The following GTF2IRD1 variants were observed in gnomAD, a reference collection of about 807,000 sequenced individuals.
GTF2IRD1 encodes GTF2I repeat domain containing 1.
In GTF2IRD1, 26 loss-of-function variants were observed where a neutral mutation model predicts 113.2. The observed-to-expected ratio is 0.23, with a 90% CI of 0.17 to 0.32. The LOEUF is 0.32. GTF2IRD1 is among the 10% of genes least tolerant of loss of function. The pLI, the probability that GTF2IRD1 is intolerant of heterozygous loss-of-function variation, is 1.00. For missense variants in GTF2IRD1, 864 were observed against 1,280.8 expected (o/e 0.67, Z 4.97); for synonymous variants, 484 against 529.1 (o/e 0.91, Z 1.17).
At chr7:74,535,993 C>CT (rs1798269303) in intron 10 of GTF2IRD1, among the ~76,000 whole-genome samples, 174 bp from the exon 11 acceptor site, 2 of 152,238 alleles carry the variant, frequency 1.3e-5, no homozygotes, top group African/African-American at 4.8e-5. Flanking sequence ...GTCAGAGTCT[C>CT]TCCCCAGGAC....
At chr7:74,594,124 A>G (rs1292219332) in intron 24 of GTF2IRD1, among the ~76,000 whole-genome samples, 2 of 151,704 alleles carry the variant, frequency 1.3e-5, no homozygotes, top group East Asian at 1.9e-4. Flanking sequence ...GCTTGAACCC[A>G]GGAGGTGGAG....
intron 1 of GTF2IRD1, among the ~76,000 whole-genome samples, chr7:74,467,447 G>C (rs1410624763): frequency 3.9e-5 from 6 of 152,194 alleles, no homozygotes; most frequent in Non-Finnish European, 7.3e-5. Flanking sequence ...TGTGCAGACA[G>C]CACAAGTGTG....
intron 14 of GTF2IRD1, among the ~76,000 whole-genome samples, chr7:74,544,150 CA>C (rs1479266006): frequency 6.6e-6 from 1 of 152,166 alleles, no homozygotes; most frequent in Non-Finnish European, 1.5e-5. Flanking sequence ...CTATTTTAAA[CA>C]AATTGTCCCT....
At chr7:74,530,071 G>A (rs1554348393) in intron 9 of GTF2IRD1, among the ~76,000 whole-genome samples, 154 bp downstream of exon 9, 1 of 152,166 alleles carries the variant, frequency 6.6e-6, no homozygotes, top group South Asian at 2.1e-4. Flanking sequence ...TTAGCCAGGT[G>A]TGGTGGTGGG....
intron 2 of GTF2IRD1, among the ~76,000 whole-genome samples, chr7:74,508,957 T>C (rs1480230231): frequency 6.6e-6 from 1 of 152,114 alleles, no homozygotes; most frequent in Non-Finnish European, 1.5e-5. Flanking sequence ...CCTGGCGCTA[T>C]TGCCTACATA....
intron 22 of GTF2IRD1, among the ~76,000 whole-genome samples, chr7:74,586,990 TA>T: frequency 6.6e-6 from 1 of 151,812 alleles, no homozygotes. Flanking sequence ...CAAAAAATTT[TA>T]AAAAAACTTA....
At chr7:74,494,612 A>T (rs1156234676) in intron 1 of GTF2IRD1, among the ~76,000 whole-genome samples, 1 of 152,206 alleles carries the variant, frequency 6.6e-6, no homozygotes, top group Non-Finnish European at 1.5e-5. Flanking sequence ...TGGGAGAAGT[A>T]TTAAGAACTT....
rs967509728 is a variant in GTF2IRD1, at chr7:74,512,076, G to T, written c.124-754G>T. Among the ~76,000 whole-genome samples the T allele has an allele frequency of 6.6e-6, 1 of 152,224 alleles. No homozygotes were observed. The highest frequency in any genetic ancestry group is 2.4e-5 in the African/African-American group (1 of 41,462). On this transcript the variant is annotated intron_variant, in intron 2 of 26. Coordinates refer to ENST00000424337, the MANE Select transcript of GTF2IRD1 (RefSeq NM_005685.4). The surrounding 1 kb of genome is among the most constrained non-coding windows in gnomAD (Gnocchi z 4.4). Reference sequence around the variant, plus strand: ...TTCTATAGACGTGGAAACTGGCCACGCAGAGTGGCTCACGCCTGTAATCCC... The same window carrying T: ...TTCTATAGACGTGGAAACTGGCCACTCAGAGTGGCTCACGCCTGTAATCCC...
rs1190980549 is a variant in GTF2IRD1 at position 74,454,056 on chromosome 7, C to T, written c.-127C>T. On this transcript the variant is annotated 5_prime_UTR_variant, in exon 1 of 27. Transcript: ENST00000424337. The stretch of plus-strand genomic sequence containing the variant: ...CTCGCCGCGCCGCCGTCCTCGCCTC[C>T]CTCTGCCTCTCCTTCCCCCATTCTC... The T allele has an allele frequency of 6.6e-6, 1 of 150,902 alleles. No individual in the cohort carries two copies. The highest frequency in any genetic ancestry group is 2.4e-5 in the African/African-American group (1 of 41,118). The allele number at this position is 150,902 out of a possible 1,614,324, so 9.3% of individuals were successfully genotyped here. A position where few individuals can be genotyped will look rare whatever the true frequency, so the allele number is the denominator to read the frequency against.
At chr7:74,495,880 G>A (rs1385550320) in intron 1 of GTF2IRD1, among the ~76,000 whole-genome samples, 1 of 152,182 alleles carries the variant, frequency 6.6e-6, no homozygotes, top group Non-Finnish European at 1.5e-5. Context: ...ATGGGACAGT[G>A]AGCCTTTGGA....
chr7:74,508,911 A>G (rs1796457118), intron 2 of GTF2IRD1, among the ~76,000 whole-genome samples: 1 of 152,116 alleles, frequency 6.6e-6, no homozygotes, highest in Non-Finnish European at 1.5e-5. Context: ...CTCGGGCAGG[A>G]AGAGAGAAAC....
In GTF2IRD1 at chr7:74,554,447, A is replaced by C. The variant is rs117951660; in HGVS notation, c.1917-727A>C. ...CTTGGTCACTGGTGCTTCCGACTGC[A>C]GTAACACAGCAGCTCTCAGACGTGA... On this transcript the variant is annotated intron_variant, in intron 17 of 26. Coordinates refer to ENST00000424337, the MANE Select transcript of GTF2IRD1 (RefSeq NM_005685.4). Among the ~76,000 whole-genome samples, 3,946 of 152,270 alleles carry C rather than the reference A, an allele frequency of 0.026. 372 individuals carry two copies. In the East Asian group the frequency reaches 0.34, roughly 13 times the overall value.
intron 2 of GTF2IRD1, among the ~76,000 whole-genome samples, chr7:74,510,270 G>A (rs919504756): frequency 2.6e-5 from 4 of 151,694 alleles, no homozygotes; most frequent in Admixed American, 6.6e-5. Context: ...AGTGATGGGC[G>A]ATGCCATGGC....
intron 17 of GTF2IRD1, among the ~76,000 whole-genome samples, chr7:74,551,322 G>A (rs1362145152): frequency 1.5e-4 from 23 of 152,216 alleles, no homozygotes; most frequent in African/African-American, 5.3e-4. Context: ...CAGCCTGGGC[G>A]ACAGAGCGAG....
intron 1 of GTF2IRD1, among the ~76,000 whole-genome samples, chr7:74,488,121 GTAAAAA>G (rs1197709109): frequency 6.6e-6 from 1 of 152,032 alleles, no homozygotes; most frequent in Non-Finnish European, 1.5e-5. Flanking sequence ...TCTCTAAAAA[GTAAAAA>G]TAAAAACTTA....
chr7:74,536,086 C>A, intron 10 of GTF2IRD1, 81 bp from the exon 11 acceptor site: 2 of 899,690 alleles, frequency 2.2e-6, no homozygotes, highest in Non-Finnish European at 3.7e-6. Flanking sequence ...CCCAGCTTCA[C>A]ACACAGACCT....
At chr7:74,575,051 T>C (rs587631079) in intron 22 of GTF2IRD1, among the ~76,000 whole-genome samples, 8 of 152,098 alleles carry the variant, frequency 5.3e-5, no homozygotes, top group South Asian at 4.1e-4. Context: ...GATTGCGCCA[T>C]TGCGCTCCAG....
chr7:74,470,889 C>T (rs191312863), intron 1 of GTF2IRD1, among the ~76,000 whole-genome samples: 8 of 152,234 alleles, frequency 5.3e-5, no homozygotes, highest in East Asian at 3.9e-4. Flanking sequence ...CTGCAACCTC[C>T]GCCTCCCTGG....
chr7:74,523,743 C>T (rs945199885), intron 7 of GTF2IRD1, among the ~76,000 whole-genome samples: 1 of 152,032 alleles, frequency 6.6e-6, no homozygotes, highest in Non-Finnish European at 1.5e-5. Flanking sequence ...AAACATAAGA[C>T]TCGACCTCTT....
Sources: gnomAD v4.1 joint callset for allele counts (sites outside exome capture counted in the v4.1 genomes callset) on GRCh38, gnomAD v4.1.1 for gene constraint, Gnocchi (gnomAD v3.1) non-coding constraint, MANE v1.5 for transcripts, NCBI Gene and HGNC (gene_info 2026-07-23, HGNC 2026-07-21) for gene names.